PWWP3B: variants seen among roughly 807,000 people sequenced by gnomAD.
The protein encoded by PWWP3B is PWWP domain containing 3B, also known as PWWP domain-containing DNA repair factor 3B.
PWWP3B carries 5 observed loss-of-function variants against 15.7 expected under a neutral mutation model. The ratio of observed to expected loss-of-function variants is 0.32; its 90% confidence interval spans 0.17 to 0.67. The LOEUF is 0.67. Ranked by LOEUF, PWWP3B falls within the 30% of genes least tolerant of loss-of-function variation. PWWP3B has a pLI of 0.74. For synonymous variants in PWWP3B, 203 were observed against 179.8 expected (o/e 1.13, Z -1.03); for missense variants, 519 against 493.1 (o/e 1.05, Z -0.50).
At chrX:106,192,792 A>G (rs1316961351) in intron 2 of PWWP3B, among the ~76,000 whole-genome samples, 8 of 109,705 alleles carry the variant, frequency 7.3e-5, no homozygotes, top group Admixed American at 1.9e-4. Flanking sequence ...CCTTCATTTC[A>G]TTATGTACCC....
chrX:106,189,935 G>A (rs1362280028), intron 2 of PWWP3B, among the ~76,000 whole-genome samples: 1 of 112,695 alleles, frequency 8.9e-6, no homozygotes, highest in Non-Finnish European at 1.9e-5. Flanking sequence ...TCTTAATCCA[G>A]TCTATCATTG....
intron 2 of PWWP3B, among the ~76,000 whole-genome samples, chrX:106,194,742 T>C (rs1187171802): frequency 8.0e-5 from 9 of 112,052 alleles, no homozygotes; most frequent in Non-Finnish European, 3.8e-5. Context: ...TTTCTCTTTG[T>C]TAGTTTTCCT....
intron 2 of PWWP3B, among the ~76,000 whole-genome samples, chrX:106,190,552 G>C (rs936057245): frequency 3.6e-5 from 4 of 111,443 alleles, no homozygotes; most frequent in Non-Finnish European, 5.7e-5. Flanking sequence ...AGTTTAATTA[G>C]ATCCCATTTG....
chrX:106,190,052 T>G (rs993868580), intron 2 of PWWP3B, among the ~76,000 whole-genome samples: 5 of 111,943 alleles, frequency 4.5e-5, no homozygotes, highest in Non-Finnish European at 9.4e-5. Context: ...CCTTTGGGTA[T>G]ATACCCAGTA....
At chrX:106,193,443 G>T (rs1007647780) in intron 2 of PWWP3B, among the ~76,000 whole-genome samples, 6 of 111,770 alleles carry the variant, frequency 5.4e-5, no homozygotes, top group African/African-American at 2.0e-4. Context: ...CTCTGCACGT[G>T]AGATGGGCTT....
chrX:106,193,724 C>T (rs928407427), intron 2 of PWWP3B, among the ~76,000 whole-genome samples: 27 of 111,755 alleles, frequency 2.4e-4, no homozygotes, highest in East Asian at 5.6e-4. Flanking sequence ...AGCTCTTTTA[C>T]GGCAGGCCTG....
chrX:106,205,913 G>A lies in PWWP3B; in HGVS notation c.481G>A (p.Asp161Asn). ...ATGCTTGTTAGCATCTTCAGAGAGT[G>A]ATGATTCCCTGTATGATGATAAATC... ...SACLLASSESDDSLYDDKSQA... is the reference protein window; with the variant it reads ...SACLLASSESNDSLYDDKSQA... The change falls in exon 4 of 4, where the codon GAT (aspartate) becomes AAT (asparagine). Residue 161 changes from aspartate to asparagine, a missense_variant. By Grantham distance (23) the Asp-to-Asn change is conservative (BLOSUM62 1). Transcript: ENST00000357175. 4 of 1,211,240 alleles carry A rather than the reference G, an allele frequency of 3.3e-6. No individual in the cohort carries two copies. In the South Asian group the frequency reaches 7.0e-5, roughly 21 times the overall value.
In PWWP3B at chrX:106,206,959, T is replaced by C; in HGVS notation, c.1527T>C (p.Thr509=). The C allele has an allele frequency of 8.3e-7, 1 of 1,211,385 alleles. No homozygotes were observed. Reference sequence around the variant, plus strand: ...TTAGGAAAGAAACAAAACAGGATACTTTCAGGAACAAATTTCCAAAGCTGC... The same window carrying C: ...TTAGGAAAGAAACAAAACAGGATACCTTCAGGAACAAATTTCCAAAGCTGC... ...YPVRKETKQD[T]FRNKFPKLHN... The change falls in exon 4 of 4, where the codon ACT becomes ACC. Residue 509 remains threonine, a synonymous_variant. Transcript: ENST00000357175.
intron 2 of PWWP3B, among the ~76,000 whole-genome samples, chrX:106,194,333 C>T (rs188653699): frequency 0.042 from 4,653 of 111,959 alleles, 229 homozygotes; most frequent in African/African-American, 0.14. Context: ...TTGATCACAT[C>T]GGTTACTGAG....
intron 2 of PWWP3B, among the ~76,000 whole-genome samples, chrX:106,194,848 GA>G (rs759724550): frequency 8.9e-6 from 1 of 111,991 alleles, no homozygotes; most frequent in South Asian, 3.8e-4. Flanking sequence ...GGTGGCTGCA[GA>G]ACAGCGGATA....
chrX:106,191,666 T>C (rs1922973616), intron 2 of PWWP3B, among the ~76,000 whole-genome samples: 1 of 111,447 alleles, frequency 9.0e-6, no homozygotes, highest in African/African-American at 3.3e-5. Context: ...AGTATGATAT[T>C]GGCTGTGGGT....
intron 2 of PWWP3B, among the ~76,000 whole-genome samples, chrX:106,174,021 C>A (rs1921759304): frequency 8.9e-6 from 1 of 111,825 alleles, no homozygotes; most frequent in Non-Finnish European, 1.9e-5. Flanking sequence ...AACATTGGGT[C>A]CTGCCAACAG....
At position 106,208,322 on chromosome X, in the gene PWWP3B, ATCT is replaced by A. The variant is rs1384154863; in HGVS notation, c.*804_*806del. On this transcript the variant is annotated 3_prime_UTR_variant, in exon 4 of 4. Coordinates refer to ENST00000357175, the MANE Select transcript of PWWP3B (RefSeq NM_001171020.2). ...TATCTTCATAACCAGCAGTGAGTAG[ATCT>A]TCTTAATATAGCTGTCTGACCACAT... 8.1e-6 allele frequency: 1 copy of A among 123,331 alleles called. No homozygotes were observed. The highest frequency in any genetic ancestry group is 9.5e-5 in the Admixed American group (1 of 10,514). 10.2% of individuals were successfully genotyped at this position (123,331 alleles called of 1,213,427 possible).
rs1392499605 is a variant in PWWP3B at position 106,205,486 on chromosome X, A to G, written c.54A>G (p.Lys18=). 2.5e-6 allele frequency: 3 copies of G among 1,194,588 alleles called. No homozygotes were observed. Among genetic ancestry groups the G allele is most frequent in the Non-Finnish European group, 3.4e-6 (3 of 887,254 alleles). The stretch of plus-strand genomic sequence containing the variant: ...GGAAAGACCAGTTGTGGCCAGCAAA[A>G]GTTTTGTCCAGATCTGAAACTTCAT... ...CNWKDQLWPA[K]VLSRSETSSN... The change falls in exon 4 of 4, where the codon AAA becomes AAG. Residue 18 remains lysine (K), a synonymous_variant. Coordinates refer to ENST00000357175, the MANE Select transcript of PWWP3B (RefSeq NM_001171020.2).
intron 2 of PWWP3B, among the ~76,000 whole-genome samples, chrX:106,188,744 T>C (rs1369804050): frequency 2.7e-5 from 3 of 112,762 alleles, no homozygotes; most frequent in Middle Eastern, 4.6e-3. Context: ...TTCCAGAATG[T>C]CATACAAATG....
chrX:106,173,328 A>G (rs1569356830), intron 2 of PWWP3B, among the ~76,000 whole-genome samples: 1 of 111,837 alleles, frequency 8.9e-6, no homozygotes, highest in Non-Finnish European at 1.9e-5. Context: ...TTCCTTTTTT[A>G]TTACACAACA....
chrX:106,169,189 AGAAACT>A (rs1921488755), intron 1 of PWWP3B, among the ~76,000 whole-genome samples: 1 of 111,780 alleles, frequency 8.9e-6, no homozygotes, highest in South Asian at 3.7e-4. Flanking sequence ...ATGTCGGCAT[AGAAACT>A]GAGATGAGAA....
chrX:106,200,030 C>T (rs769427347), intron 2 of PWWP3B, among the ~76,000 whole-genome samples: 7 of 111,544 alleles, frequency 6.3e-5, no homozygotes, highest in Non-Finnish European at 1.3e-4. Flanking sequence ...ATTACATTAC[C>T]CAGCCTCTAT....
At chrX:106,188,107 G>A (rs1282865102) in intron 2 of PWWP3B, among the ~76,000 whole-genome samples, 3 of 111,220 alleles carry the variant, frequency 2.7e-5, no homozygotes, top group Non-Finnish European at 5.7e-5. Context: ...TAAATTTCAT[G>A]TACTGTACAA....
Sources: gnomAD v4.1 joint callset for allele counts (sites outside exome capture counted in the v4.1 genomes callset) on GRCh38, gnomAD v4.1.1 for gene constraint, MANE v1.5 for transcripts, NCBI Gene and HGNC (gene_info 2026-07-23, HGNC 2026-07-21) for gene names.